Variants in USP46 observed in about 807,000 individuals in gnomAD.
The protein encoded by USP46 is ubiquitin carboxyl-terminal hydrolase 46.
USP46 carries 12 observed loss-of-function variants against 44.4 expected under a neutral mutation model. That is an observed-to-expected ratio of 0.27 (90% CI 0.17 to 0.44). USP46 has a LOEUF of 0.44. USP46 is among the 20% of genes least tolerant of loss of function. The pLI, the probability that USP46 is intolerant of heterozygous loss-of-function variation, is 1.00. For synonymous variants in USP46, 155 were observed against 161.5 expected, an observed-to-expected ratio of 0.96 and a Z score of 0.31; for missense variants, 248 against 444.8, an observed-to-expected ratio of 0.56 and a Z score of 3.98.
In USP46 at chr4:52,633,259, C is replaced by T. The variant is rs539234255; in HGVS notation, c.37-2115G>A. On this transcript the variant is annotated intron_variant, in intron 1 of 8. Transcript: ENST00000441222. ...CCTCATCATAACATCCTTCAAATTCCACTTGTTTCCTAGGTCCTTAATACT... is the reference window on the plus strand; with the variant it reads ...CCTCATCATAACATCCTTCAAATTCTACTTGTTTCCTAGGTCCTTAATACT... Among the ~76,000 whole-genome samples the T allele has an allele frequency of 2.8e-4, 42 of 152,286 alleles. No homozygotes were observed. The South Asian group carries it at 6.8e-3, about 25-fold the overall frequency.
chr4:52,649,980 G>A (rs1255217094), intron 1 of USP46, among the ~76,000 whole-genome samples: 1 of 152,094 alleles, frequency 6.6e-6, no homozygotes, highest in East Asian at 1.9e-4. Context: ...CTGGAGACTG[G>A]GACCCTAGAA....
chr4:52,618,373 C>T (rs1318325703), intron 4 of USP46, among the ~76,000 whole-genome samples: 2 of 152,016 alleles, frequency 1.3e-5, no homozygotes, highest in Non-Finnish European at 2.9e-5. Context: ...GCCTATAATT[C>T]CAGCTATTCG....
At chr4:52,647,719 C>T (rs1718600829) in intron 1 of USP46, among the ~76,000 whole-genome samples, 1 of 152,198 alleles carries the variant, frequency 6.6e-6, no homozygotes, top group African/African-American at 2.4e-5. Context: ...TGTCCTGCAG[C>T]CCTTCCCTAG....
intron 1 of USP46, among the ~76,000 whole-genome samples, chr4:52,647,473 G>C (rs184002814): frequency 6.6e-6 from 1 of 152,142 alleles, no homozygotes; most frequent in Non-Finnish European, 1.5e-5. Context: ...AAGAAACTGC[G>C]CTTAGCTACT....
At chr4:52,634,139 C>T (rs1314850287) in intron 1 of USP46, among the ~76,000 whole-genome samples, 2 of 150,044 alleles carry the variant, frequency 1.3e-5, no homozygotes, top group Non-Finnish European at 3.0e-5. Context: ...TTTTGAGACG[C>T]AGTCTCGCTG....
In USP46 at chr4:52,597,288, A is replaced by C. The variant is rs932120266; in HGVS notation, c.*352T>G. 3.0e-5 allele frequency: 6 copies of C among 197,970 alleles called. No homozygotes were observed. In the South Asian group the frequency reaches 5.9e-4, roughly 20 times the overall value. 12.3% of individuals were successfully genotyped at this position (197,970 alleles called of 1,614,324 possible). ...ATTGTAAGAAGACCCTGGAAGCCAT[A>C]GAAGTTTAGCAAACACCTAAAACAG... is the stretch of plus-strand genomic sequence containing the variant. On this transcript the variant is annotated 3_prime_UTR_variant, in exon 9 of 9. Transcript: ENST00000441222.
At chr4:52,608,654 A>AC (rs988240275) in intron 5 of USP46, among the ~76,000 whole-genome samples, 2 of 150,912 alleles carry the variant, frequency 1.3e-5, no homozygotes, top group African/African-American at 4.9e-5. Flanking sequence ...GCACCCCTCC[A>AC]CCCCCCACTC....
intron 1 of USP46, among the ~76,000 whole-genome samples, chr4:52,652,527 T>A (rs1718804727): frequency 6.6e-6 from 1 of 152,194 alleles, no homozygotes. Flanking sequence ...TGTCATAGCA[T>A]ATTTATATAA....
At chr4:52,624,684 T>G (rs1245024510) in intron 4 of USP46, among the ~76,000 whole-genome samples, 1 of 152,202 alleles carries the variant, frequency 6.6e-6, no homozygotes. Context: ...AAATTCATAC[T>G]TTGAAACCCT....
intron 4 of USP46, among the ~76,000 whole-genome samples, chr4:52,618,306 T>A (rs1717243229): frequency 6.6e-6 from 1 of 152,136 alleles, no homozygotes; most frequent in Non-Finnish European, 1.5e-5. Flanking sequence ...CTGGCCAACA[T>A]GGTGAAACCC....
At chr4:52,613,417 G>A (rs1177535932) in intron 4 of USP46, among the ~76,000 whole-genome samples, 1 of 152,066 alleles carries the variant, frequency 6.6e-6, no homozygotes, top group East Asian at 1.9e-4. Flanking sequence ...AACTCAATAT[G>A]CATTAAAGAA....
chr4:52,616,132 A>T (rs1717136477), intron 4 of USP46, among the ~76,000 whole-genome samples: 1 of 152,204 alleles, frequency 6.6e-6, no homozygotes, highest in Non-Finnish European at 1.5e-5. Context: ...TCAACAGGGG[A>T]AATTTGGCTT....
intron 1 of USP46, chr4:52,656,260 A>T (rs754626650): frequency 1.9e-6 from 3 of 1,548,612 alleles, no homozygotes; most frequent in South Asian, 1.2e-5. Context: ...CCCACAGAGG[A>T]GCTAAGCAGT....
At position 52,595,386 on chromosome 4, in the gene USP46, G is replaced by A. The variant is rs1034855882; in HGVS notation, c.*2254C>T. 3 of 152,646 alleles carry A rather than the reference G, an allele frequency of 2.0e-5. No individual in the cohort carries two copies. The highest frequency in any genetic ancestry group is 4.4e-5 in the Non-Finnish European group (3 of 68,040). The allele number at this position is 152,646 out of a possible 1,614,324, so 9.5% of individuals were successfully genotyped here. A position where few individuals can be genotyped will look rare whatever the true frequency, so the allele number is the denominator to read the frequency against. On this transcript the variant is annotated 3_prime_UTR_variant, in exon 9 of 9. Coordinates refer to ENST00000441222, the MANE Select transcript of USP46 (RefSeq NM_022832.4). ...AGCTCTAAATTTTAAAAAGCTGATG[G>A]AGTGTTGCTGGAGAAGTGTGTTTTG...
At chr4:52,601,679 CTTTAT>C (rs1274370820) in intron 7 of USP46, among the ~76,000 whole-genome samples, 173 bp downstream of exon 7, 2 of 152,022 alleles carry the variant, frequency 1.3e-5, no homozygotes, top group African/African-American at 2.4e-5. Context: ...CTGGAATGCT[CTTTAT>C]TTTATGTGCC....
chr4:52,623,483 A>G (rs1717455982), intron 4 of USP46, among the ~76,000 whole-genome samples: 1 of 152,232 alleles, frequency 6.6e-6, no homozygotes, highest in Non-Finnish European at 1.5e-5. Context: ...AACAAAATGA[A>G]ATAAGTCAAG....
rs1719079806 is a variant in USP46, at chr4:52,659,219, C to T, written c.-69G>A. On this transcript the variant is annotated 5_prime_UTR_variant, in exon 1 of 9. Coordinates refer to ENST00000441222, the MANE Select transcript of USP46 (RefSeq NM_022832.4). The surrounding 1 kb of genome is among the most constrained non-coding windows in gnomAD (Gnocchi z 4.2). ...GGGAAACCGGGACTGCCCATGGTGG[C>T]GCGCTGGCGGGGAGGCCGGGCGGCA... The T allele has an allele frequency of 5.6e-6, 8 of 1,425,096 alleles. 1 individual carries two copies. Among genetic ancestry groups the T allele is most frequent in the East Asian group, 3.1e-5 (1 of 31,838 alleles). The allele number at this position is 1,425,096 out of a possible 1,614,324, so 88.3% of individuals were successfully genotyped here.
intron 1 of USP46, chr4:52,655,502 T>C (rs1016862689): frequency 7.9e-5 from 12 of 152,238 alleles, no homozygotes; most frequent in Non-Finnish European, 1.6e-4. Context: ...TGGTTTCTTC[T>C]AACTAATGCT....
intron 2 of USP46, 103 bp downstream of exon 2, chr4:52,630,961 G>T: frequency 1.1e-6 from 1 of 944,704 alleles, no homozygotes; most frequent in Non-Finnish European, 1.6e-6. Context: ...TACGGAGCAT[G>T]ACCAATCATT....
Sources: allele counts gnomAD v4.1 joint callset (sites outside exome capture counted in the v4.1 genomes callset), GRCh38; gene constraint gnomAD v4.1.1; non-coding constraint Gnocchi (gnomAD v3.1); transcripts MANE v1.5; gene names NCBI Gene and HGNC (gene_info 2026-07-23, HGNC 2026-07-21).